Variants in MID1 observed in about 807,000 individuals in gnomAD.
MID1 encodes midline 1, also known as E3 ubiquitin-protein ligase Midline-1.
A neutral mutation model predicts 40.4 loss-of-function variants in MID1; 7 were observed. The observed-to-expected ratio is 0.17, with a 90% confidence interval of 0.10 to 0.33. MID1 has a LOEUF of 0.33. Ranked by LOEUF, MID1 falls within the 10% of genes least tolerant of loss-of-function variation. The probability of loss-of-function intolerance (pLI) is 1.00; values close to 1 mark genes in which losing one functional copy is unlikely to be tolerated. For synonymous variants in MID1, 229 were observed against 221.2 expected, an observed-to-expected ratio of 1.04 and a Z score of -0.31; for missense variants, 367 against 558.5, an observed-to-expected ratio of 0.66 and a Z score of 3.46.
chrX:10,812,536 T>C lies in MID1; in HGVS notation c.-187+21018A>G, dbSNP rs147015608. 6.1e-3 allele frequency among the ~76,000 whole-genome samples: 673 copies of C among 111,234 alleles called. 5 individuals carry two copies. The highest frequency in any genetic ancestry group is 0.02 in the African/African-American group (627 of 30,614). On this transcript the variant is annotated intron_variant, in intron 1 of 10. Coordinates refer to the MID1 transcript ENST00000380785. ...TCTTTCAGTGATGCCAATATCTTCC[T>C]AGATCAGAAACTAGATGAACATCAG...
intron 1 of MID1, among the ~76,000 whole-genome samples, chrX:10,635,133 G>A (rs1936095483): frequency 8.9e-6 from 1 of 112,354 alleles, no homozygotes; most frequent in African/African-American, 3.2e-5. Context: ...GTAGGGGCAA[G>A]TTGAAAAGCA....
intron 4 of MID1, among the ~76,000 whole-genome samples, chrX:10,487,990 T>TC (rs1378400804): frequency 9.4e-6 from 1 of 106,412 alleles, no homozygotes; most frequent in East Asian, 2.9e-4. Context: ...GTCTTTTTTT[T>TC]TTTTTTTTTT....
intron 2 of MID1, among the ~76,000 whole-genome samples, chrX:10,543,493 G>A (rs1933555194): frequency 9.0e-6 from 1 of 111,193 alleles, no homozygotes; most frequent in African/African-American, 3.3e-5. Context: ...TCTATCTCTA[G>A]TCCTCTTAAT....
chrX:10,708,140 A>G (rs1205193730), intron 1 of MID1, among the ~76,000 whole-genome samples: 1 of 112,804 alleles, frequency 8.9e-6, no homozygotes, highest in African/African-American at 3.2e-5. Context: ...CCTGATATAG[A>G]TGACTATATT....
intron 1 of MID1, among the ~76,000 whole-genome samples, chrX:10,581,979 G>A (rs1169795051): frequency 8.9e-6 from 1 of 111,956 alleles, no homozygotes; most frequent in East Asian, 2.8e-4. Context: ...ACAGTGAAAT[G>A]TTTCAGATTT....
At chrX:10,545,762 A>C (rs935952998) in intron 2 of MID1, among the ~76,000 whole-genome samples, 2 of 111,763 alleles carry the variant, frequency 1.8e-5, no homozygotes, top group East Asian at 5.6e-4. Flanking sequence ...GAGGAGGAGG[A>C]GGAGGCGGAA....
chrX:10,728,026 T>C (rs760958119), intron 1 of MID1, among the ~76,000 whole-genome samples: 14 of 112,455 alleles, frequency 1.2e-4, no homozygotes, highest in African/African-American at 1.6e-4. Flanking sequence ...ATGTAATTTG[T>C]ATTATTGAGT....
At chrX:10,504,031 T>C (rs1230632038) in intron 3 of MID1, among the ~76,000 whole-genome samples, 2 of 112,099 alleles carry the variant, frequency 1.8e-5, no homozygotes, top group East Asian at 5.6e-4. Flanking sequence ...TTGATGTCGC[T>C]GTTAGTTTTT....
At chrX:10,802,814 G>T (rs1219962173) in intron 1 of MID1, among the ~76,000 whole-genome samples, 4 of 111,662 alleles carry the variant, frequency 3.6e-5, no homozygotes, top group Non-Finnish European at 7.5e-5. Context: ...AGAAAATGTG[G>T]TACATTTACA....
intron 6 of MID1, among the ~76,000 whole-genome samples, chrX:10,474,284 C>T (rs1321938381): frequency 1.8e-5 from 2 of 111,985 alleles, no homozygotes; most frequent in Non-Finnish European, 3.8e-5. Flanking sequence ...CCAATTTTTT[C>T]TCTGCCAATG....
At chrX:10,480,084 A>G (rs1930232767) in intron 5 of MID1, among the ~76,000 whole-genome samples, 1 of 112,115 alleles carries the variant, frequency 8.9e-6, no homozygotes, top group African/African-American at 3.2e-5. Flanking sequence ...GGAATTAGCC[A>G]AGAGGATTGA....
chrX:10,782,949 T>C (rs1215371374), intron 1 of MID1, among the ~76,000 whole-genome samples: 1 of 111,586 alleles, frequency 9.0e-6, no homozygotes, highest in African/African-American at 3.3e-5. Flanking sequence ...GTGCCAGCAC[T>C]TGGTGTTTTA....
At chrX:10,552,079 T>C (rs753262013) in intron 2 of MID1, among the ~76,000 whole-genome samples, 2 of 110,775 alleles carry the variant, frequency 1.8e-5, no homozygotes, top group African/African-American at 3.3e-5. Flanking sequence ...CGTAAGCCAC[T>C]GTACATGGTA....
At chrX:10,725,144 G>A (rs931613775) in intron 1 of MID1, among the ~76,000 whole-genome samples, 5 of 111,848 alleles carry the variant, frequency 4.5e-5, no homozygotes, top group African/African-American at 1.6e-4. Context: ...CTCCTCCCAG[G>A]AATGATGTCA....
intron 1 of MID1, among the ~76,000 whole-genome samples, chrX:10,737,965 T>A (rs746554901): frequency 3.6e-5 from 4 of 111,353 alleles, no homozygotes; most frequent in African/African-American, 1.3e-4. Context: ...CACATCTGTG[T>A]GGACCCTGCT....
chrX:10,603,964 G>A (rs1313331215), intron 1 of MID1, among the ~76,000 whole-genome samples: 3 of 111,657 alleles, frequency 2.7e-5, no homozygotes, highest in Non-Finnish European at 3.8e-5. Context: ...AGAATTTTTG[G>A]CTTAAAGCAG....
At chrX:10,459,916 G>A (rs940362441) in intron 7 of MID1, 109 bp from the exon 8 acceptor site, 75 of 864,943 alleles carry the variant, frequency 8.7e-5, no homozygotes, top group Non-Finnish European at 1.1e-4. Context: ...GGTAAGTGAA[G>A]TGCTTTGTCT....
At chrX:10,483,410 A>G (rs1930448435) in intron 4 of MID1, among the ~76,000 whole-genome samples, 1 of 112,019 alleles carries the variant, frequency 8.9e-6, no homozygotes, top group African/African-American at 3.2e-5. Context: ...ATGTCCCTCA[A>G]ACATAATTGA....
intron 2 of MID1, among the ~76,000 whole-genome samples, chrX:10,528,010 A>C (rs1932866133): frequency 8.9e-6 from 1 of 111,799 alleles, no homozygotes; most frequent in African/African-American, 3.3e-5. Context: ...CCTTTCTGTG[A>C]GGAAGAGCCA....
Sources: gnomAD v4.1 joint callset for allele counts (sites outside exome capture counted in the v4.1 genomes callset) on GRCh38, gnomAD v4.1.1 for gene constraint, MANE v1.5 for transcripts, NCBI Gene and HGNC (gene_info 2026-07-23, HGNC 2026-07-21) for gene names.